The following LIMCH1 variants were observed in gnomAD, a reference collection of about 807,000 sequenced individuals.
The protein encoded by LIMCH1 is LIM and calponin homology domains 1.
LIMCH1 carries 113 observed loss-of-function variants against 176.5 expected under a neutral mutation model. The ratio of observed to expected loss-of-function variants is 0.64; its 90% CI spans 0.55 to 0.75. The LOEUF is 0.75. Among genes scored for constraint, LIMCH1 ranks in the 30% least tolerant of loss-of-function variants. The pLI, the probability that LIMCH1 is intolerant of heterozygous loss-of-function variation, is 0.00. For missense variants in LIMCH1, 1,674 were observed against 1,814.9 expected, an observed-to-expected ratio of 0.92 and a Z score of 1.41; for synonymous variants, 619 against 645.9, an observed-to-expected ratio of 0.96 and a Z score of 0.63.
At chr4:41,515,439 CAGG>C (rs1309908471) in intron 2 of LIMCH1, among the ~76,000 whole-genome samples, 1 of 152,188 alleles carries the variant, frequency 6.6e-6, no homozygotes, top group African/African-American at 2.4e-5. Context: ...GCAGGATTCT[CAGG>C]AGGAGAAGTG....
chr4:41,465,956 T>C (rs1339522910), intron 1 of LIMCH1, among the ~76,000 whole-genome samples: 2 of 79,348 alleles, frequency 2.5e-5, no homozygotes, highest in African/African-American at 7.0e-5. Context: ...GTTTGGCTCT[T>C]TTTTTTTTTT....
intron 1 of LIMCH1, among the ~76,000 whole-genome samples, chr4:41,538,899 G>A (rs2078269310): frequency 6.6e-6 from 1 of 152,152 alleles, no homozygotes; most frequent in African/African-American, 2.4e-5. Context: ...TGGAGGGAAG[G>A]GCTGCATCTC....
intron 1 of LIMCH1, among the ~76,000 whole-genome samples, chr4:41,457,829 G>A (rs919080653): frequency 2.6e-5 from 4 of 152,118 alleles, no homozygotes; most frequent in Non-Finnish European, 5.9e-5. Flanking sequence ...AAAAATCCTT[G>A]AAATAGCATC....
chr4:41,676,263 C>T (rs566573509), intron 22 of LIMCH1, 119 bp from the exon 23 acceptor site: 12 of 639,286 alleles, frequency 1.9e-5, no homozygotes, highest in African/African-American at 1.3e-4. Context: ...ATATATGAAG[C>T]CTTCTGCTCC....
chr4:41,670,633 T>C (rs1398068024), intron 21 of LIMCH1: 12 of 958,772 alleles, frequency 1.3e-5, no homozygotes, highest in Non-Finnish European at 1.9e-5. Context: ...CCAAACTCCC[T>C]ATAGTACTTG....
intron 30 of LIMCH1, chr4:41,689,896 A>C (rs1724080478): frequency 6.2e-6 from 2 of 321,862 alleles, no homozygotes; most frequent in South Asian, 9.6e-5. Flanking sequence ...CTCCAGCAGG[A>C]GGCTGAGAAT....
In LIMCH1 at chr4:41,489,661, C is replaced by CT. The variant is rs536444461; in HGVS notation, c.97-4867dup. ...TCAGATAACATATTTTGTATGAATT[C>CT]TTTTTTTTATTTTTTTATTTTTTAA... On this transcript the variant is annotated intron_variant, in intron 1 of 26. Transcript: ENST00000313860. Among the ~76,000 whole-genome samples, 27 of 151,314 alleles carry CT rather than the reference C, an allele frequency of 1.8e-4. 1 individual carries two copies. Among genetic ancestry groups the CT allele is most frequent in the Admixed American group, 2.0e-4 (3 of 15,200 alleles).
chr4:41,515,756 T>A (rs2075506119), intron 2 of LIMCH1, among the ~76,000 whole-genome samples: 1 of 152,216 alleles, frequency 6.6e-6, no homozygotes, highest in Non-Finnish European at 1.5e-5. Flanking sequence ...AGCTTCCTGC[T>A]GCTCTTGGAA....
intron 31 of LIMCH1, 32 bp downstream of exon 31, chr4:41,692,416 C>A (rs775665857): frequency 1.5e-6 from 2 of 1,338,964 alleles, no homozygotes; most frequent in Admixed American, 3.4e-5. Flanking sequence ...TCATGATGAC[C>A]GAGTGTAATC....
chr4:41,581,115 T>TGTCG (rs2085341640), intron 1 of LIMCH1, among the ~76,000 whole-genome samples: 1 of 126,270 alleles, frequency 7.9e-6, no homozygotes, highest in African/African-American at 4.0e-5. Context: ...TCTGTCTGTC[T>TGTCG]ATCTATCTAT....
intron 1 of LIMCH1, among the ~76,000 whole-genome samples, chr4:41,581,496 G>A (rs1304025717): frequency 6.6e-6 from 1 of 152,040 alleles, no homozygotes; most frequent in Admixed American, 6.6e-5. Context: ...GCTTCTGTGA[G>A]TTCAGTGACT....
In LIMCH1 at chr4:41,699,847, C is replaced by T. The variant is rs1586205009; in HGVS notation, c.*2662C>T. 6.6e-6 allele frequency: 1 copy of T among 151,934 alleles called. No individual in the cohort carries two copies. The highest frequency in any genetic ancestry group is 2.4e-5 in the African/African-American group (1 of 41,350). The allele number at this position is 151,934 out of a possible 1,614,324, so 9.4% of individuals were successfully genotyped here. On this transcript the variant is annotated 3_prime_UTR_variant, in exon 32 of 32. Coordinates refer to ENST00000503057, the MANE Select transcript of LIMCH1 (RefSeq NM_001330672.2). ...TAAGATTTAACAAACTGAAATGATC[C>T]ACCTCATATGTGAGTCCGTCCAAAA...
chr4:41,571,895 A>C lies in LIMCH1; in HGVS notation c.-240-27025A>C, dbSNP rs150531747. On this transcript the variant is annotated intron_variant, in intron 1 of 31. Coordinates refer to ENST00000503057, the MANE Select transcript of LIMCH1 (RefSeq NM_001330672.2). ...AAACCTTTATTCTTATTAGGTATTT[A>C]CCAGAGCCTGAAATTCCTTGAGGGG... Among the ~76,000 whole-genome samples, 9 of 152,272 alleles carry C rather than the reference A, an allele frequency of 5.9e-5. No individual in the cohort carries two copies. In the East Asian group the frequency reaches 1.3e-3, roughly 23 times the overall value.
intron 2 of LIMCH1, among the ~76,000 whole-genome samples, chr4:41,500,835 G>A (rs561444867): frequency 2.6e-5 from 4 of 152,318 alleles, no homozygotes; most frequent in Admixed American, 6.5e-5. Flanking sequence ...ATACAAGTGA[G>A]GGCATGAGAG....
At chr4:41,673,926 T>C (rs534913751) in intron 22 of LIMCH1, among the ~76,000 whole-genome samples, 1 of 152,330 alleles carries the variant, frequency 6.6e-6, no homozygotes, top group Non-Finnish European at 1.5e-5. Context: ...ATGCATATAT[T>C]GGTCACTTTT....
At chr4:41,398,767 A>G (rs1167509491) in intron 1 of LIMCH1, among the ~76,000 whole-genome samples, 1 of 151,916 alleles carries the variant, frequency 6.6e-6, no homozygotes, top group Non-Finnish European at 1.5e-5. Context: ...GTGGACAAAG[A>G]GTGTGAAATA....
chr4:41,602,427 C>G (rs1226901109), intron 2 of LIMCH1, among the ~76,000 whole-genome samples: 1 of 152,150 alleles, frequency 6.6e-6, no homozygotes, highest in Non-Finnish European at 1.5e-5. Context: ...TAATTTTTAG[C>G]ACTGGGTTAC....
At chr4:41,522,364 T>G (rs1377400391) in intron 2 of LIMCH1, among the ~76,000 whole-genome samples, 2 of 152,142 alleles carry the variant, frequency 1.3e-5, no homozygotes, top group African/African-American at 2.4e-5. Context: ...ATTCTATATA[T>G]TTTTTATAAA....
intron 1 of LIMCH1, among the ~76,000 whole-genome samples, chr4:41,373,972 T>A (rs182067882): frequency 6.6e-6 from 1 of 152,310 alleles, no homozygotes; most frequent in African/African-American, 2.4e-5. Flanking sequence ...ATGCAGGACA[T>A]GCCTACTTCC....
Sources: gnomAD v4.1 joint callset for allele counts (sites outside exome capture counted in the v4.1 genomes callset) on GRCh38, gnomAD v4.1.1 for gene constraint, MANE v1.5 for transcripts, NCBI Gene and HGNC (gene_info 2026-07-23, HGNC 2026-07-21) for gene names.